The following ARL14EPL variants were observed in gnomAD, a reference collection of about 807,000 sequenced individuals.
ARL14EPL encodes the protein ARL14 effector protein-like.
A neutral mutation model predicts 15.9 loss-of-function variants in ARL14EPL; 17 were observed. That is an observed-to-expected ratio of 1.07 (90% confidence interval 0.73 to 1.60). ARL14EPL has a LOEUF of 1.60. ARL14EPL is among the 40% of genes most tolerant of loss of function. The pLI is 0.00. For synonymous variants in ARL14EPL, 78 were observed against 63.8 expected (o/e 1.22, Z -1.06); for missense variants, 214 against 185.9 (o/e 1.15, Z -0.88).
At position 116,059,162 on chromosome 5, in the gene ARL14EPL, A is replaced by G. The variant is rs6880695; in HGVS notation, c.*215A>G. 0.74 allele frequency: 409,204 copies of G among 556,046 alleles called. 152,732 individuals are homozygous for G. Among genetic ancestry groups the G allele is most frequent in the Non-Finnish European group, 0.79 (245,584 of 311,840 alleles). The allele number at this position is 556,046 out of a possible 1,614,324, so 34.4% of individuals were successfully genotyped here. On this transcript the variant is annotated 3_prime_UTR_variant, in exon 4 of 4. Coordinates refer to ENST00000686077, the MANE Select transcript of ARL14EPL (RefSeq NM_001195581.2). The stretch of plus-strand genomic sequence containing the variant: ...CAAGTCCCTTAACTTGCAACCAAAG[A>G]ATGTAACAATGGAGGGATCAGCATT...
chr5:116,049,784 A>G (rs965605456), intron 1 of ARL14EPL, among the ~76,000 whole-genome samples: 1 of 152,256 alleles, frequency 6.6e-6, no homozygotes, highest in Admixed American at 6.5e-5. Flanking sequence ...AACACCACAT[A>G]TAAGTCTTTA....
chr5:116,042,584 C>T (rs1561577359), intron 1 of ARL14EPL, among the ~76,000 whole-genome samples: 1 of 152,166 alleles, frequency 6.6e-6, no homozygotes. Flanking sequence ...AGTACCCAGA[C>T]AATAAGGGCT....
chr5:116,053,547 T>G (rs183727376), intron 2 of ARL14EPL, among the ~76,000 whole-genome samples: 1 of 152,114 alleles, frequency 6.6e-6, no homozygotes, highest in Admixed American at 6.5e-5. Context: ...AGGGAGTAGC[T>G]CCGAAATGCA....
At position 116,059,087 on chromosome 5, in the gene ARL14EPL, T is replaced by A; in HGVS notation, c.*140T>A. ...CATGTTCTGTCAAGCCCCAGAACAA[T>A]GTAGAATGGGCAATAATTCTGTAAC... On this transcript the variant is annotated 3_prime_UTR_variant, in exon 4 of 4. Transcript: ENST00000686077. The A allele has an allele frequency of 3.9e-6, 3 of 765,326 alleles. No individual in the cohort carries two copies. Among genetic ancestry groups the A allele is most frequent in the Middle Eastern group, 3.6e-4 (1 of 2,782 alleles). 47.4% of individuals were successfully genotyped at this position (765,326 alleles called of 1,614,324 possible).
chr5:116,033,816 G>A (rs1332259387), intron 1 of ARL14EPL, among the ~76,000 whole-genome samples: 1 of 152,118 alleles, frequency 6.6e-6, no homozygotes, highest in Non-Finnish European at 1.5e-5. Flanking sequence ...TGAAAAAAAG[G>A]CTGTGTGTGT....
intron 1 of ARL14EPL, 94 bp downstream of exon 1, chr5:116,032,599 T>G (rs1748979559): frequency 6.6e-6 from 1 of 152,220 alleles, no homozygotes; most frequent in Non-Finnish European, 1.5e-5. Context: ...TCTATTTTAT[T>G]GTTAGTTACT....
intron 1 of ARL14EPL, among the ~76,000 whole-genome samples, chr5:116,046,548 C>G (rs532175966): frequency 2.0e-5 from 3 of 152,256 alleles, no homozygotes; most frequent in Admixed American, 1.3e-4. Flanking sequence ...GGATGTGGTT[C>G]CTGAGGCCTC....
At chr5:116,043,402 T>A (rs1441500010) in intron 1 of ARL14EPL, among the ~76,000 whole-genome samples, 1 of 152,012 alleles carries the variant, frequency 6.6e-6, no homozygotes, top group African/African-American at 2.4e-5. Context: ...CCTGAGAATA[T>A]CTGAAGATGA....
chr5:116,051,933 G>C (rs1242111826), intron 2 of ARL14EPL: 2 of 1,604,364 alleles, frequency 1.2e-6, no homozygotes, highest in Admixed American at 1.7e-5. Flanking sequence ...CCAGCAGCTG[G>C]AGCATCTCCA....
chr5:116,033,885 C>G (rs1441376158), intron 1 of ARL14EPL, among the ~76,000 whole-genome samples: 1 of 152,188 alleles, frequency 6.6e-6, no homozygotes, highest in Admixed American at 6.5e-5. Context: ...TGCCTGTCCT[C>G]AGCTGAACTG....
chr5:116,056,217 C>T (rs537733645), intron 3 of ARL14EPL, among the ~76,000 whole-genome samples: 18 of 152,008 alleles, frequency 1.2e-4, no homozygotes, highest in Admixed American at 6.6e-4. Context: ...CCTGAGGAAT[C>T]GCCACACTGA....
intron 1 of ARL14EPL, among the ~76,000 whole-genome samples, chr5:116,040,878 G>A (rs572290862): frequency 6.7e-6 from 1 of 148,256 alleles, no homozygotes; most frequent in South Asian, 2.1e-4. Context: ...CTACTCGGGA[G>A]GCTGAGGCAG....
intron 1 of ARL14EPL, among the ~76,000 whole-genome samples, chr5:116,037,934 G>A (rs1408167410): frequency 3.9e-5 from 6 of 152,122 alleles, no homozygotes; most frequent in Non-Finnish European, 8.8e-5. Context: ...GGGATGCATT[G>A]CAAATGTAAG....
At chr5:116,038,196 G>A (rs1386554795) in intron 1 of ARL14EPL, among the ~76,000 whole-genome samples, 1 of 152,186 alleles carries the variant, frequency 6.6e-6, no homozygotes, top group Admixed American at 6.5e-5. Flanking sequence ...TAGTGGGTAT[G>A]CATGAGTACC....
At chr5:116,056,097 G>A (rs559382540) in intron 3 of ARL14EPL, among the ~76,000 whole-genome samples, 43 of 152,052 alleles carry the variant, frequency 2.8e-4, no homozygotes, top group South Asian at 6.3e-4. Flanking sequence ...GAGTAGTGCC[G>A]CAATAAACAT....
intron 1 of ARL14EPL, among the ~76,000 whole-genome samples, chr5:116,037,510 T>G (rs1749067935): frequency 6.6e-6 from 1 of 152,016 alleles, no homozygotes; most frequent in Admixed American, 6.5e-5. Context: ...GTGTCCATTT[T>G]GGCTCATTCC....
At chr5:116,033,291 GCTATT>G (rs1748991673) in intron 1 of ARL14EPL, among the ~76,000 whole-genome samples, 1 of 152,114 alleles carries the variant, frequency 6.6e-6, no homozygotes. Context: ...TACCTACAGA[GCTATT>G]CTATTTTTTT....
At chr5:116,040,157 A>G (rs150291168) in intron 1 of ARL14EPL, among the ~76,000 whole-genome samples, 6 of 152,276 alleles carry the variant, frequency 3.9e-5, no homozygotes, top group Admixed American at 2.0e-4. Flanking sequence ...TCCTTAGAAT[A>G]AATTTCCCAA....
Position 116,058,770 on chromosome 5 carries a change from C to G in ARL14EPL, c.282C>G (p.Asp94Glu). 1 of 1,535,670 alleles carries G rather than the reference C, an allele frequency of 6.5e-7. No homozygotes were observed. The highest frequency in any genetic ancestry group is 8.7e-7 in the Non-Finnish European group (1 of 1,146,910). Residue 94 changes from aspartate (D) to glutamate (E), a missense_variant, in exon 4 of 4, where the codon GAC becomes GAG. Transcript: ENST00000686077. ...AAAGTGGCAGGCTCATCTGTAATGA[C>G]GCTGATCTGTGTGATTGTCTAGAGA... ...YDKSGRLICN[D>E]ADLCDCLEKN...
Sources: allele counts gnomAD v4.1 joint callset (sites outside exome capture counted in the v4.1 genomes callset), GRCh38; gene constraint gnomAD v4.1.1; transcripts MANE v1.5; gene names NCBI Gene and HGNC (gene_info 2026-07-23, HGNC 2026-07-21).